GPC5: variants seen among roughly 807,000 people sequenced by gnomAD.
The protein encoded by GPC5 is glypican 5.
Under a neutral mutation model 53.9 loss-of-function variants are expected in GPC5, and 47 were observed. The observed-to-expected ratio is 0.87, with a 90% CI of 0.69 to 1.11. GPC5 has a LOEUF of 1.11. Among genes scored for constraint, GPC5 ranks in the 50% most tolerant of loss-of-function variants. The pLI is 0.00. For missense variants in GPC5, 748 were observed against 713.1 expected, an observed-to-expected ratio of 1.05 and a Z score of -0.56; for synonymous variants, 286 against 263.3, an observed-to-expected ratio of 1.09 and a Z score of -0.84.
At chr13:92,385,409 C>CATATAT (rs1566567343) in intron 7 of GPC5, among the ~76,000 whole-genome samples, 1,674 of 67,772 alleles carry the variant, frequency 0.025, 120 homozygotes, top group East Asian at 0.046. Flanking sequence ...CACATATATA[C>CATATAT]ACATATATAT....
chr13:92,428,094 C>A (rs1308334274), intron 7 of GPC5, among the ~76,000 whole-genome samples: 2 of 152,084 alleles, frequency 1.3e-5, no homozygotes, highest in Non-Finnish European at 1.5e-5. Context: ...AGTCCTATTA[C>A]TACCGTGGTC....
intron 7 of GPC5, among the ~76,000 whole-genome samples, chr13:92,580,854 A>T (rs1883346782): frequency 6.6e-6 from 1 of 152,220 alleles, no homozygotes; most frequent in Non-Finnish European, 1.5e-5. Flanking sequence ...ATTGGGGGTT[A>T]TATTTCAACA....
chr13:92,353,027 G>A (rs2043492247), intron 7 of GPC5, among the ~76,000 whole-genome samples: 1 of 151,894 alleles, frequency 6.6e-6, no homozygotes, highest in Non-Finnish European at 1.5e-5. Context: ...TTGGGAGGCC[G>A]AGGCGGGTGG....
chr13:92,321,827 G>C (rs923369322), intron 7 of GPC5, among the ~76,000 whole-genome samples: 1 of 151,994 alleles, frequency 6.6e-6, no homozygotes, highest in African/African-American at 2.4e-5. Context: ...CATTGTAGAG[G>C]AGTTTGAGAA....
intron 5 of GPC5, 34 bp downstream of exon 5, chr13:91,756,454 A>T: frequency 6.6e-7 from 1 of 1,525,734 alleles, no homozygotes; most frequent in Non-Finnish European, 8.9e-7. Context: ...CCTACTAGTT[A>T]CATCATCCTT....
chr13:92,720,729 C>A (rs1230996207), intron 7 of GPC5, among the ~76,000 whole-genome samples: 4 of 151,984 alleles, frequency 2.6e-5, no homozygotes, highest in African/African-American at 4.8e-5. Context: ...AAAAAGACTA[C>A]ATAGGGAAAA....
chr13:92,445,351 C>T (rs1877766590), intron 7 of GPC5, among the ~76,000 whole-genome samples: 1 of 148,308 alleles, frequency 6.7e-6, no homozygotes, highest in South Asian at 2.1e-4. Flanking sequence ...TTTTAGGGTA[C>T]ATGTGCACAT....
intron 7 of GPC5, among the ~76,000 whole-genome samples, chr13:92,636,039 C>T (rs1263217849): frequency 1.3e-5 from 2 of 152,172 alleles, no homozygotes; most frequent in South Asian, 2.1e-4. Context: ...ATTAAAATGT[C>T]ACCTACTCTT....
chr13:92,866,202 CTT>C, intron 7 of GPC5, 78 bp from the exon 8 acceptor site: 4 of 1,277,532 alleles, frequency 3.1e-6, no homozygotes, highest in African/African-American at 1.5e-5. Context: ...GCTGTCCACA[CTT>C]TGAGTTTAAG....
chr13:92,520,407 A>G (rs1204785959), intron 7 of GPC5, among the ~76,000 whole-genome samples: 3 of 152,206 alleles, frequency 2.0e-5, no homozygotes, highest in Non-Finnish European at 2.9e-5. Flanking sequence ...TGAATCCAGA[A>G]GCACATCAAA....
rs1057004871 is a variant in GPC5, at chr13:91,724,443, CT to C, written c.1021-4079del. Among the ~76,000 whole-genome samples the C allele has an allele frequency of 1.5e-4, 23 of 148,464 alleles. 1 individual carries two copies. Among genetic ancestry groups the C allele is most frequent in the South Asian group, 4.3e-4 (2 of 4,640 alleles). On this transcript the variant is annotated intron_variant, in intron 3 of 7. Transcript: ENST00000377067. ...GCTTAATAATCACTCGAACTACCTC[CT>C]TTTTTTTTTCAATTTGTAATTTCCT...
intron 2 of GPC5, among the ~76,000 whole-genome samples, chr13:91,689,125 T>G (rs934011607): frequency 1.4e-5 from 2 of 145,468 alleles, no homozygotes; most frequent in Admixed American, 1.4e-4. Context: ...GCTATGATCC[T>G]GGCATCACAC....
intron 7 of GPC5, among the ~76,000 whole-genome samples, chr13:92,524,396 G>T (rs1881196117): frequency 1.3e-5 from 2 of 152,044 alleles, no homozygotes; most frequent in Non-Finnish European, 2.9e-5. Flanking sequence ...GCATTGTATA[G>T]GGAGTAATGG....
intron 7 of GPC5, among the ~76,000 whole-genome samples, chr13:92,823,685 A>T (rs1003853044): frequency 6.6e-6 from 1 of 152,142 alleles, no homozygotes; most frequent in Admixed American, 6.6e-5. Context: ...GCAATTAAAA[A>T]ATACAGTGAG....
intron 7 of GPC5, among the ~76,000 whole-genome samples, chr13:92,185,500 G>A (rs2042177505): frequency 6.6e-6 from 1 of 152,074 alleles, no homozygotes; most frequent in Non-Finnish European, 1.5e-5. Context: ...TCATACTTTA[G>A]AGCATTTTCA....
chr13:91,815,327 C>T (rs1368923164), intron 5 of GPC5, among the ~76,000 whole-genome samples: 2 of 152,072 alleles, frequency 1.3e-5, no homozygotes, highest in Non-Finnish European at 2.9e-5. Flanking sequence ...CATGATTGCA[C>T]CACTGCACTC....
chr13:91,422,754 T>C (rs1056160599), intron 1 of GPC5, among the ~76,000 whole-genome samples: 1 of 152,186 alleles, frequency 6.6e-6, no homozygotes, highest in African/African-American at 2.4e-5. Context: ...CCTGAGATGC[T>C]GCAGGTCATC....
In GPC5 at chr13:92,706,437, C is replaced by T. The variant is rs117684149; in HGVS notation, c.1562-159845C>T. ...ACTGGCAAATGGGAGAATTTTCCAC[C>T]AGAAAAAAAGTTTCCATAAGATAGC... On this transcript the variant is annotated intron_variant, in intron 7 of 7. Transcript: ENST00000377067. Among the ~76,000 whole-genome samples, 564 of 151,730 alleles carry T rather than the reference C, an allele frequency of 3.7e-3. 3 individuals carry two copies. The highest frequency in any genetic ancestry group is 0.01 in the Middle Eastern group (3 of 294).
chr13:91,456,896 T>G (rs1881597572), intron 2 of GPC5, among the ~76,000 whole-genome samples: 1 of 151,986 alleles, frequency 6.6e-6, no homozygotes, highest in African/African-American at 2.4e-5. Flanking sequence ...CATGGAATTA[T>G]TATTTCTATG....
Sources: allele counts gnomAD v4.1 joint callset (sites outside exome capture counted in the v4.1 genomes callset), GRCh38; gene constraint gnomAD v4.1.1; transcripts MANE v1.5; gene names NCBI Gene and HGNC (gene_info 2026-07-23, HGNC 2026-07-21).